Variants in SFSWAP observed in about 807,000 individuals in gnomAD.
SFSWAP encodes the protein splicing factor SWAP, also known as splicing factor, suppressor of white-apricot homolog.
SFSWAP carries 17 observed loss-of-function variants against 100.7 expected under a neutral mutation model. That is an observed-to-expected ratio of 0.17 (90% CI 0.12 to 0.25). The LOEUF (loss-of-function observed/expected upper bound fraction) is 0.25. Ranked by LOEUF, SFSWAP falls within the 10% of genes least tolerant of loss-of-function variation. The pLI is 1.00. For synonymous variants in SFSWAP, 504 were observed against 510.1 expected, an observed-to-expected ratio of 0.99 and a Z score of 0.16; for missense variants, 1,005 against 1,262.6, an observed-to-expected ratio of 0.80 and a Z score of 3.09.
At chr12:131,771,748 T>C (rs1356437465) in intron 13 of SFSWAP, among the ~76,000 whole-genome samples, 2 of 148,364 alleles carry the variant, frequency 1.3e-5, no homozygotes, top group Non-Finnish European at 3.0e-5. Context: ...CTGCAACCTC[T>C]GCCTCCCGGG....
chr12:131,780,245 A>G (rs1248438111), intron 14 of SFSWAP, among the ~76,000 whole-genome samples: 1 of 152,240 alleles, frequency 6.6e-6, no homozygotes, highest in Non-Finnish European at 1.5e-5. Context: ...ACCCTTATAC[A>G]CGCAAAAAAG....
In SFSWAP at chr12:131,774,877, T is replaced by C. The variant is rs542838311; in HGVS notation, c.2143-3188T>C. Among the ~76,000 whole-genome samples the C allele has an allele frequency of 1.6e-4, 25 of 152,068 alleles. 1 individual carries two copies. In the South Asian group the frequency reaches 4.2e-3, roughly 25 times the overall value. ...ATGGAGCCCTAGTCTTTAAGCACAG[T>C]GGTGAGATAAGTATTATTAATGACA... is the stretch of plus-strand genomic sequence containing the variant. On this transcript the variant is annotated intron_variant, in intron 13 of 17. Coordinates refer to ENST00000261674, the MANE Select transcript of SFSWAP (RefSeq NM_004592.4).
chr12:131,780,494 AT>A (rs1001565571), intron 14 of SFSWAP, among the ~76,000 whole-genome samples: 2 of 151,532 alleles, frequency 1.3e-5, no homozygotes, highest in African/African-American at 2.4e-5. Context: ...TCTACAAAAT[AT>A]TTTTTTTTAA....
Position 131,714,717 on chromosome 12 carries a change from A to G in SFSWAP, c.389-105A>G. On this transcript the variant is annotated intron_variant, in intron 2 of 17. Coordinates refer to ENST00000261674, the MANE Select transcript of SFSWAP (RefSeq NM_004592.4). This position sits in a 1 kb window ranked among gnomAD's most constrained non-coding sequence, Gnocchi z 6.0. ...TATTTTACCTCAAAAGTAGGTTGAA[A>G]AAAGTATGTTGTATGCTTTACTGAT... 2 of 1,033,910 alleles carry G rather than the reference A, an allele frequency of 1.9e-6. No homozygotes were observed. Among genetic ancestry groups the G allele is most frequent in the Admixed American group, 2.5e-5 (1 of 39,596 alleles). The allele number at this position is 1,033,910 out of a possible 1,614,324, so 64.0% of individuals were successfully genotyped here. A position where few individuals can be genotyped will look rare whatever the true frequency, so the allele number is the denominator to read the frequency against.
At chr12:131,770,309 T>C (rs1476198938) in intron 13 of SFSWAP, among the ~76,000 whole-genome samples, 2 of 152,200 alleles carry the variant, frequency 1.3e-5, no homozygotes, top group East Asian at 3.9e-4. Flanking sequence ...TGAGGAAGCC[T>C]GCGTGGCTGA....
intron 14 of SFSWAP, among the ~76,000 whole-genome samples, chr12:131,782,441 T>C (rs1241934116): frequency 6.6e-6 from 1 of 152,220 alleles, no homozygotes; most frequent in Admixed American, 6.5e-5. Context: ...AAAGTGTTAA[T>C]GCTGTTGTTA....
chr12:131,728,301 G>A lies in SFSWAP; in HGVS notation c.954G>A (p.Lys318=), dbSNP rs751089015. Residue 318 remains lysine, a synonymous_variant, in exon 7 of 18, where the codon AAG becomes AAA. Coordinates refer to ENST00000261674, the MANE Select transcript of SFSWAP (RefSeq NM_004592.4). The stretch of plus-strand genomic sequence containing the variant: ...GTCTTCTCTGTTTCCAGCCCTTGAA[G>A]GTAGTGGACCCAGATCATCCCCTCG... ...NRLEELMKPL[K]VVDPDHPLAA... 26 of 1,614,088 alleles carry A rather than the reference G, an allele frequency of 1.6e-5. No homozygotes were observed. Among genetic ancestry groups the A allele is most frequent in the Non-Finnish European group, 2.2e-5 (26 of 1,180,020 alleles).
chr12:131,791,282 G>A (rs893341368), intron 15 of SFSWAP, among the ~76,000 whole-genome samples: 4 of 152,134 alleles, frequency 2.6e-5, no homozygotes, highest in Non-Finnish European at 5.9e-5. Flanking sequence ...CCAGCTACTC[G>A]GGAGGCTGAG....
At chr12:131,746,659 T>G (rs1439013634) in intron 7 of SFSWAP, among the ~76,000 whole-genome samples, 1 of 152,194 alleles carries the variant, frequency 6.6e-6, no homozygotes, top group Non-Finnish European at 1.5e-5. Context: ...ACACAAAGTT[T>G]TTTAAATTCT....
At position 131,778,414 on chromosome 12, in the gene SFSWAP, T is replaced by C. The variant is rs1884197710; in HGVS notation, c.2408+84T>C. Reference sequence around the variant, plus strand: ...ACACCCAGTAGAGCTAGGTAGAACGTTTAAAATCAGTGCCGCTTTCATTAA... The same window carrying C: ...ACACCCAGTAGAGCTAGGTAGAACGCTTAAAATCAGTGCCGCTTTCATTAA... On this transcript the variant is annotated intron_variant, in intron 14 of 17. Coordinates refer to ENST00000261674, the MANE Select transcript of SFSWAP (RefSeq NM_004592.4). This position sits in a 1 kb window ranked among gnomAD's most constrained non-coding sequence, Gnocchi z 4.2. 11 of 1,537,390 alleles carry C rather than the reference T, an allele frequency of 7.2e-6. No homozygotes were observed. The highest frequency in any genetic ancestry group is 9.6e-6 in the Non-Finnish European group (11 of 1,145,782).
At chr12:131,765,333 A>G (rs1042592768) in intron 12 of SFSWAP, among the ~76,000 whole-genome samples, 4 of 152,344 alleles carry the variant, frequency 2.6e-5, no homozygotes, top group Admixed American at 2.6e-4. Context: ...ACACACATTC[A>G]GATCAAGCAA....
chr12:131,784,774 G>A (rs1050574956), intron 14 of SFSWAP: 1 of 242,664 alleles, frequency 4.1e-6, no homozygotes, highest in African/African-American at 2.2e-5. Context: ...GTAGCCCCTC[G>A]TTCTAAGATG....
In SFSWAP at chr12:131,778,301, C is replaced by T; in HGVS notation, c.2379C>T (p.Pro793=). The part of the protein sequence containing the change: ...RSHSKAKHSL[P]SAYRTVRRSR... ...ACTCAAAAGCAAAGCATTCTCTTCC[C>T]AGTGCCTATCGGACAGTGCGGCGGT... The change falls in exon 14 of 18, where the codon CCC becomes CCT. Residue 793 remains proline, a synonymous_variant. Coordinates refer to ENST00000261674, the MANE Select transcript of SFSWAP (RefSeq NM_004592.4). This position sits in a 1 kb window ranked among gnomAD's most constrained non-coding sequence, Gnocchi z 4.2. The T allele has an allele frequency of 6.2e-7, 1 of 1,614,124 alleles. No individual in the cohort carries two copies. The highest frequency in any genetic ancestry group is 1.3e-5 in the African/African-American group (1 of 75,022).
At chr12:131,786,193 A>T (rs1176585108) in intron 14 of SFSWAP, among the ~76,000 whole-genome samples, 1 of 152,172 alleles carries the variant, frequency 6.6e-6, no homozygotes, top group African/African-American at 2.4e-5. Context: ...CGCCAGTTGC[A>T]TGTTGGTTAA....
chr12:131,711,262 C>T lies in SFSWAP; in HGVS notation c.33C>T (p.Pro11=). 1.2e-6 allele frequency: 2 copies of T among 1,610,516 alleles called. No homozygotes were observed. Among genetic ancestry groups the T allele is most frequent in the South Asian group, 1.1e-5 (1 of 90,962 alleles). The change falls in exon 1 of 18, where the codon CCC becomes CCT. Residue 11 remains proline, a synonymous_variant. Transcript: ENST00000261674. The surrounding 1 kb of genome is among the most constrained non-coding windows in gnomAD (Gnocchi z 4.9). MYGASGGRAK[P]ERKSGAKEEA... is the part of the protein sequence containing the mutation. ...GCGCGAGCGGGGGCCGCGCCAAACC[C>T]GAGAGGAAAAGCGGCGCGAAGGAGG... is the stretch of plus-strand genomic sequence containing the variant.
chr12:131,780,850 G>T (rs190125588), intron 14 of SFSWAP, among the ~76,000 whole-genome samples: 35 of 152,258 alleles, frequency 2.3e-4, no homozygotes, highest in African/African-American at 8.4e-4. Flanking sequence ...AACCTTGGGG[G>T]ACCGATCATT....
chr12:131,745,855 G>A (rs1191708420), intron 7 of SFSWAP, among the ~76,000 whole-genome samples: 2 of 151,810 alleles, frequency 1.3e-5, no homozygotes, highest in Non-Finnish European at 2.9e-5. Flanking sequence ...TGATCCAGCA[G>A]CCGAATAAGC....
intron 13 of SFSWAP, among the ~76,000 whole-genome samples, chr12:131,771,650 C>CTTTTTTTTTTTTTTTTTTTTTTTT (rs398021691): frequency 1.2e-5 from 1 of 86,110 alleles, no homozygotes; most frequent in African/African-American, 4.1e-5. Context: ...GCTAATGTCT[C>CTTTTTTTTTTTTTTTTTTTTTTTT]TTTTTTTTTT....
intron 14 of SFSWAP, among the ~76,000 whole-genome samples, chr12:131,779,273 A>G (rs1357043920): frequency 1.1e-4 from 17 of 150,382 alleles, no homozygotes; most frequent in Non-Finnish European, 2.1e-4. Context: ...GTGTGTGTGA[A>G]GAGGGCGGCG....
Sources: gnomAD v4.1 joint callset for allele counts (sites outside exome capture counted in the v4.1 genomes callset) on GRCh38, gnomAD v4.1.1 for gene constraint, Gnocchi (gnomAD v3.1) non-coding constraint, MANE v1.5 for transcripts, NCBI Gene and HGNC (gene_info 2026-07-23, HGNC 2026-07-21) for gene names.